Variants in RNF138 observed in about 807,000 individuals in gnomAD.
The protein encoded by RNF138 is ring finger protein 138.
A neutral mutation model predicts 31.0 loss-of-function variants in RNF138; 12 were observed. The observed-to-expected ratio is 0.39, with a 90% CI of 0.25 to 0.63. RNF138 has a LOEUF of 0.63. RNF138 is among the 20% of genes least tolerant of loss of function. The probability of loss-of-function intolerance (pLI) is 0.52; values close to 1 mark genes in which losing one functional copy is unlikely to be tolerated. For missense variants in RNF138, 192 were observed against 300.1 expected (o/e 0.64, Z 2.66); for synonymous variants, 105 against 99.5 (o/e 1.06, Z -0.33).
At chr18:32,093,010 C>G (rs1199052760) in intron 2 of RNF138, 124 bp downstream of exon 2, 2 of 503,652 alleles carry the variant, frequency 4.0e-6, no homozygotes, top group Admixed American at 8.8e-5. Flanking sequence ...AGCGTCGCTG[C>G]CCCGCGAGGT....
In RNF138 at chr18:32,130,395, C is replaced by CTGTT. The variant is rs2040454198; in HGVS notation, c.*1210_*1213dup. The CTGTT allele has an allele frequency of 1.3e-5, 2 of 152,298 alleles. No individual in the cohort carries two copies. Among genetic ancestry groups the CTGTT allele is most frequent in the Admixed American group, 6.6e-5 (1 of 15,250 alleles). The allele number at this position is 152,298 out of a possible 1,614,324, so 9.4% of individuals were successfully genotyped here. ...ATAGTGAGAAAGATTCTACCAACCA[C>CTGTT]TGTTTCACTACTTTTTAGTTAAAAT... On this transcript the variant is annotated 3_prime_UTR_variant, in exon 8 of 8. Coordinates refer to ENST00000261593, the MANE Select transcript of RNF138 (RefSeq NM_016271.5).
chr18:32,127,778 C>T (rs1460007942), intron 7 of RNF138, among the ~76,000 whole-genome samples: 2 of 152,092 alleles, frequency 1.3e-5, no homozygotes, highest in Non-Finnish European at 2.9e-5. Context: ...TTTATCTTGC[C>T]ATAGAAAAGT....
intron 7 of RNF138, among the ~76,000 whole-genome samples, chr18:32,128,880 CCT>C (rs993934458): frequency 1.3e-5 from 2 of 150,498 alleles, no homozygotes; most frequent in African/African-American, 2.4e-5. Context: ...CTGTGATGAT[CCT>C]CTCTGTTTGT....
chr18:32,093,217 C>T (rs1413978912), intron 2 of RNF138, among the ~76,000 whole-genome samples: 1 of 152,184 alleles, frequency 6.6e-6, no homozygotes, highest in African/African-American at 2.4e-5. Context: ...CCGGAGGCCC[C>T]TGTCGTCTCC....
rs2040472730 is a variant in RNF138 at position 32,131,249 on chromosome 18, TTATTTGCTTTTATC to T, written c.*2064_*2077del. ...TCAGCTTTTTCATAAGGAAAATACT[TTATTTGCTTTTATC>T]TGAGAATTTCTCAGTATGAAAATGA... On this transcript the variant is annotated 3_prime_UTR_variant, in exon 8 of 8. Coordinates refer to ENST00000261593, the MANE Select transcript of RNF138 (RefSeq NM_016271.5). 1 of 152,156 alleles carries T rather than the reference TTATTTGCTTTTATC, an allele frequency of 6.6e-6. No individual in the cohort carries two copies. The highest frequency in any genetic ancestry group is 2.4e-5 in the African/African-American group (1 of 41,468). 9.4% of individuals were successfully genotyped at this position (152,156 alleles called of 1,614,324 possible). A position where few individuals can be genotyped will look rare whatever the true frequency, so the allele number is the denominator to read the frequency against.
intron 2 of RNF138, among the ~76,000 whole-genome samples, chr18:32,100,931 G>A (rs984487830): frequency 1.3e-5 from 2 of 152,116 alleles, no homozygotes; most frequent in African/African-American, 4.8e-5. Flanking sequence ...TAAAATAAAT[G>A]CTCAGAAAAA....
rs2039722287 is a variant in RNF138, at chr18:32,092,780, G to A, written c.4G>A (p.Ala2Thr). Residue 2 changes from alanine (A) to threonine (T), a missense_variant, in exon 2 of 8, where the codon GCC becomes ACC. Physicochemically the swap from Ala to Thr is moderately conservative, Grantham distance 58. This residue lies in a region of RNF138 where 52 missense variants were observed against 48.4 expected (regional missense o/e 1.07). Transcript: ENST00000261593. ...CCTTGTTTCCCCATCCCCCGCCATGGCCGAGGACCTCTCTGCGGCCACGTC... is the reference window on the plus strand; with the variant it reads ...CCTTGTTTCCCCATCCCCCGCCATGACCGAGGACCTCTCTGCGGCCACGTC... M[A>T]EDLSAATSYT... 1.3e-6 allele frequency: 2 copies of A among 1,575,722 alleles called. No individual in the cohort carries two copies. Among genetic ancestry groups the A allele is most frequent in the African/African-American group, 1.4e-5 (1 of 74,072 alleles).
rs942878164 is a variant in RNF138 at position 32,111,839 on chromosome 18, A to C, written c.196A>C (p.Arg66=). Residue 66 remains arginine, a synonymous_variant, in exon 3 of 8, where the codon AGA becomes CGA. Transcript: ENST00000261593. ...LCRGNVTRRE[R]ACPERALDLE... ...TCGTGGAAATGTGACTAGAAGAGAG[A>C]GAGCATGTCCTGAACGGGCCTTAGA... 1 of 1,613,890 alleles carries C rather than the reference A, an allele frequency of 6.2e-7. No individual in the cohort carries two copies. Among genetic ancestry groups the C allele is most frequent in the South Asian group, 1.1e-5 (1 of 91,074 alleles).
At chr18:32,122,777 T>C (rs1183899366) in intron 4 of RNF138, among the ~76,000 whole-genome samples, 1 of 152,146 alleles carries the variant, frequency 6.6e-6, no homozygotes, top group African/African-American at 2.4e-5. Flanking sequence ...TGAGCCAAGA[T>C]TGCACCACTG....
At chr18:32,110,418 T>C (rs2040107111) in intron 2 of RNF138, among the ~76,000 whole-genome samples, 1 of 152,264 alleles carries the variant, frequency 6.6e-6, no homozygotes, top group Non-Finnish European at 1.5e-5. Flanking sequence ...ATACTTGTTA[T>C]CTATTTTAAT....
chr18:32,104,542 G>A (rs184344125), intron 2 of RNF138, among the ~76,000 whole-genome samples: 7 of 152,158 alleles, frequency 4.6e-5, no homozygotes, highest in East Asian at 3.9e-4. Flanking sequence ...ATAATTTGTC[G>A]ATTAAAAACA....
chr18:32,105,437 TAC>T (rs961440913), intron 2 of RNF138, among the ~76,000 whole-genome samples: 2 of 152,184 alleles, frequency 1.3e-5, no homozygotes, highest in African/African-American at 2.4e-5. Flanking sequence ...TAGAATATAC[TAC>T]AGAGTCCAGA....
At chr18:32,092,978 C>G in intron 2 of RNF138, 92 bp downstream of exon 2, 1 of 636,844 alleles carries the variant, frequency 1.6e-6, no homozygotes, top group Non-Finnish European at 2.4e-6. Context: ...TGGCGGGAAC[C>G]GAGCCCGCCG....
intron 2 of RNF138, among the ~76,000 whole-genome samples, chr18:32,102,131 C>G (rs2039951549): frequency 6.6e-6 from 1 of 150,796 alleles, no homozygotes; most frequent in Non-Finnish European, 1.5e-5. Flanking sequence ...GATGCTCTGG[C>G]CAGGGCTTCC....
At chr18:32,110,820 G>A (rs1008073103) in intron 2 of RNF138, among the ~76,000 whole-genome samples, 8 of 150,922 alleles carry the variant, frequency 5.3e-5, no homozygotes, top group African/African-American at 9.8e-5. Context: ...TTGCTCTGTC[G>A]CCCAGGCTGG....
chr18:32,121,266 C>T (rs1463547635), intron 4 of RNF138, among the ~76,000 whole-genome samples: 3 of 152,072 alleles, frequency 2.0e-5, no homozygotes, highest in African/African-American at 7.2e-5. Context: ...GAGGCCAAGG[C>T]GGGCAGATCA....
chr18:32,130,574 A>AAAGAG lies in RNF138; in HGVS notation c.*1390_*1394dup, dbSNP rs1491413660. ...TAAAATAACTAGAAGAACATAAAAGAAAGAGAATCTCAGAAGTAGTTTGCT... is the reference window on the plus strand; with the variant it reads ...TAAAATAACTAGAAGAACATAAAAGAAAGAGAAGAGAATCTCAGAAGTAGTTTGCT... On this transcript the variant is annotated 3_prime_UTR_variant, in exon 8 of 8. Coordinates refer to ENST00000261593, the MANE Select transcript of RNF138 (RefSeq NM_016271.5). 6.6e-6 allele frequency: 1 copy of AAAGAG among 152,186 alleles called. No individual in the cohort carries two copies. Among genetic ancestry groups the AAAGAG allele is most frequent in the African/African-American group, 2.4e-5 (1 of 41,412 alleles). The allele number at this position is 152,186 out of a possible 1,614,324, so 9.4% of individuals were successfully genotyped here. A position where few individuals can be genotyped will look rare whatever the true frequency, so the allele number is the denominator to read the frequency against.
intron 2 of RNF138, among the ~76,000 whole-genome samples, chr18:32,110,989 C>G (rs899735563): frequency 1.3e-5 from 2 of 152,132 alleles, no homozygotes; most frequent in African/African-American, 2.4e-5. Context: ...ACCGTGGTAG[C>G]CAGAATGGTC....
chr18:32,104,715 A>G (rs1224639983), intron 2 of RNF138, among the ~76,000 whole-genome samples: 2 of 152,224 alleles, frequency 1.3e-5, no homozygotes, highest in East Asian at 1.9e-4. Context: ...ATAAAAATAT[A>G]CACAGCTTCT....
Sources: gnomAD v4.1 joint callset for allele counts (sites outside exome capture counted in the v4.1 genomes callset) on GRCh38, gnomAD v4.1.1 for gene constraint, gnomAD v4.1.1 regional missense constraint, MANE v1.5 for transcripts, NCBI Gene and HGNC (gene_info 2026-07-23, HGNC 2026-07-21) for gene names.